The following SNX5 variants were observed in gnomAD, a reference collection of about 807,000 sequenced individuals.
The protein encoded by SNX5 is sorting nexin 5, also known as sorting nexin-5.
Under a neutral mutation model 53.9 loss-of-function variants are expected in SNX5, and 31 were observed. The observed-to-expected ratio is 0.58, with a 90% CI of 0.43 to 0.78. The LOEUF is 0.78. SNX5 is among the 30% of genes least tolerant of loss of function. The pLI is 0.00. For synonymous variants in SNX5, 168 were observed against 171.1 expected (o/e 0.98, Z 0.14); for missense variants, 471 against 478.8 (o/e 0.98, Z 0.15).
intron 12 of SNX5, 139 bp from the exon 13 acceptor site, chr20:17,942,546 T>A (rs1447829048): frequency 2.9e-6 from 2 of 701,454 alleles, no homozygotes; most frequent in Admixed American, 4.3e-5. Context: ...CTTCATCAAA[T>A]CCCAGGTGAA....
intron 1 of SNX5, among the ~76,000 whole-genome samples, chr20:17,966,423 C>T (rs1018685028): frequency 1.3e-5 from 2 of 151,886 alleles, no homozygotes; most frequent in Non-Finnish European, 2.9e-5. Flanking sequence ...AAATAGAGGA[C>T]CAGTTAGGAA....
Position 17,968,715 on chromosome 20 carries a change from C to T in SNX5, c.-290G>A, listed in dbSNP as rs2035622751. The T allele has an allele frequency of 9.0e-6, 4 of 446,448 alleles. No homozygotes were observed. The highest frequency in any genetic ancestry group is 2.5e-5 in the South Asian group (1 of 39,676). The allele number at this position is 446,448 out of a possible 1,614,324, so 27.7% of individuals were successfully genotyped here. A position where few individuals can be genotyped will look rare whatever the true frequency, so the allele number is the denominator to read the frequency against. On this transcript the variant is annotated 5_prime_UTR_variant, in exon 1 of 13. It adds an upstream start codon to the 5' untranslated region. Transcript: ENST00000377759. ...TGGGGCCTACCCTTGCTCCGCTCCACGAGGAGGCCGCCAACCGCAGGGCCG... is the reference window on the plus strand; with the variant it reads ...TGGGGCCTACCCTTGCTCCGCTCCATGAGGAGGCCGCCAACCGCAGGGCCG...
intron 1 of SNX5, among the ~76,000 whole-genome samples, chr20:17,957,989 C>A (rs1286919712): frequency 7.7e-6 from 1 of 129,644 alleles, no homozygotes. Context: ...TACCTAACTC[C>A]ATTTCTGCCC....
chr20:17,961,777 C>CA (rs2035455062), intron 1 of SNX5: 1 of 985,236 alleles, frequency 1.0e-6, no homozygotes, highest in African/African-American at 1.7e-5. Context: ...GCCTAAGAAA[C>CA]TAAGATTTTG....
intron 1 of SNX5, among the ~76,000 whole-genome samples, chr20:17,965,863 A>T (rs1017033936): frequency 3.9e-5 from 6 of 152,148 alleles, no homozygotes; most frequent in Non-Finnish European, 7.3e-5. Context: ...CAAGGGTAGC[A>T]TAAAGCTTCA....
chr20:17,960,389 A>C (rs1193779852), intron 1 of SNX5, among the ~76,000 whole-genome samples: 3 of 152,180 alleles, frequency 2.0e-5, no homozygotes, highest in Non-Finnish European at 4.4e-5. Context: ...AGGTCAGGAG[A>C]TCGAGAACAT....
intron 1 of SNX5, chr20:17,961,191 C>T (rs1600351963): frequency 1.0e-6 from 1 of 985,210 alleles, no homozygotes; most frequent in Non-Finnish European, 1.2e-6. Flanking sequence ...TGCAGGACAA[C>T]CCTGCAGCTG....
intron 1 of SNX5, chr20:17,961,551 C>A: frequency 1.0e-6 from 1 of 984,946 alleles, no homozygotes; most frequent in Non-Finnish European, 1.2e-6. Context: ...GACATGGATA[C>A]AATATGCAGT....
Position 17,947,517 on chromosome 20 carries a change from T to C in SNX5, c.1047A>G (p.Lys349=), listed in dbSNP as rs149888152. ...TTGCAGATTCGGAAAGTTGTTCAAA[T>C]TTCTGGCAGCACTCCTGCTGGTGTG... ...AEAHQQECCQ[K]FEQLSESAKE... is the part of the protein sequence containing the mutation. Residue 349 remains lysine (K), a synonymous_variant, in exon 11 of 13, where the codon AAA becomes AAG. Coordinates refer to ENST00000377759, the MANE Select transcript of SNX5 (RefSeq NM_014426.4). 6 of 1,613,686 alleles carry C rather than the reference T, an allele frequency of 3.7e-6. No homozygotes were observed. The highest frequency in any genetic ancestry group is 1.3e-5 in the African/African-American group (1 of 74,932).
chr20:17,968,038 C>G, intron 1 of SNX5: 1 of 398,600 alleles, frequency 2.5e-6, no homozygotes, highest in Non-Finnish European at 4.4e-6. Flanking sequence ...TCACGTTCAC[C>G]TACTGGTCAC....
intron 2 of SNX5, among the ~76,000 whole-genome samples, chr20:17,956,475 T>C (rs7265614): frequency 0.012 from 1,797 of 152,118 alleles, 30 homozygotes; most frequent in African/African-American, 0.04. Context: ...ACGCCTTGAA[T>C]CCCAGCACTT....
intron 1 of SNX5, 149 bp downstream of exon 1, chr20:17,968,226 G>GA (rs2035595287): frequency 1.9e-6 from 1 of 529,568 alleles, no homozygotes; most frequent in Admixed American, 4.4e-5. Context: ...GAAGACCAGG[G>GA]AGAGGGGCCG....
intron 1 of SNX5, chr20:17,960,995 T>C (rs530588078): frequency 3.9e-4 from 118 of 301,826 alleles, no homozygotes; most frequent in African/African-American, 2.6e-3. Flanking sequence ...CGGATTATAA[T>C]CAGCCTTCAC....
At chr20:17,958,904 G>A (rs927519323) in intron 1 of SNX5, among the ~76,000 whole-genome samples, 1 of 152,158 alleles carries the variant, frequency 6.6e-6, no homozygotes, top group Non-Finnish European at 1.5e-5. Context: ...ATCTGTCAAG[G>A]TCAGGCAGGC....
rs569537525 is a variant in SNX5, at chr20:17,968,747, G to C, written c.-322C>G. ...GCCGCCAACCGCAGGGCCGCGACACGGACGGGAAGCAACGGACACTCTCCC... is the reference window on the plus strand; with the variant it reads ...GCCGCCAACCGCAGGGCCGCGACACCGACGGGAAGCAACGGACACTCTCCC... On this transcript the variant is annotated 5_prime_UTR_variant, in exon 1 of 13. Coordinates refer to ENST00000377759, the MANE Select transcript of SNX5 (RefSeq NM_014426.4). The C allele has an allele frequency of 1.6e-4, 62 of 386,336 alleles. No homozygotes were observed. The highest frequency in any genetic ancestry group is 1.2e-3 in the African/African-American group (57 of 46,932). 23.9% of individuals were successfully genotyped at this position (386,336 alleles called of 1,614,324 possible). A position where few individuals can be genotyped will look rare whatever the true frequency, so the allele number is the denominator to read the frequency against.
At chr20:17,949,166 A>G in intron 8 of SNX5, 63 bp from the exon 9 acceptor site, 2 of 1,404,928 alleles carry the variant, frequency 1.4e-6, no homozygotes, top group Non-Finnish European at 2.0e-6. Context: ...TGATCTTACC[A>G]GTGTGCAAGA....
intron 1 of SNX5, chr20:17,961,095 C>G (rs1007225655): frequency 3.1e-6 from 3 of 982,440 alleles, no homozygotes; most frequent in Admixed American, 6.1e-5. Flanking sequence ...AGGCACTTCC[C>G]TAAAAGGAGA....
intron 6 of SNX5, 185 bp downstream of exon 6, chr20:17,951,314 CA>C (rs2039564880): frequency 1.7e-6 from 1 of 572,466 alleles, no homozygotes; most frequent in Non-Finnish European, 3.2e-6. Context: ...TCTCCTGGGA[CA>C]GAACAAGGTG....
intron 1 of SNX5, among the ~76,000 whole-genome samples, chr20:17,965,807 G>A (rs192823413): frequency 2.0e-5 from 3 of 152,122 alleles, no homozygotes; most frequent in South Asian, 2.1e-4. Flanking sequence ...GAACTAAGGC[G>A]TGGGAAGCTT....
Sources: allele counts gnomAD v4.1 joint callset (sites outside exome capture counted in the v4.1 genomes callset), GRCh38; gene constraint gnomAD v4.1.1; transcripts MANE v1.5; gene names NCBI Gene and HGNC (gene_info 2026-07-23, HGNC 2026-07-21).